The following PTK2 variants were observed in gnomAD, a reference collection of about 807,000 sequenced individuals.
PTK2 encodes protein tyrosine kinase 2.
PTK2 carries 45 observed loss-of-function variants against 150.1 expected under a neutral mutation model. The observed-to-expected ratio is 0.30, with a 90% CI of 0.24 to 0.38. The LOEUF is 0.38. PTK2 is among the 10% of genes least tolerant of loss of function. PTK2 has a pLI of 1.00. For synonymous variants in PTK2, 432 were observed against 449.2 expected (o/e 0.96, Z 0.48); for missense variants, 919 against 1,307.3 (o/e 0.70, Z 4.58).
chr8:140,658,005 C>T (rs1307946219), exon 32 of PTK2: 7 of 152,174 alleles, frequency 4.6e-5, no homozygotes, highest in Admixed American at 3.9e-4. Context: ...TATTTGCTCC[C>T]TGCTCTGTGG....
intron 24 of PTK2, among the ~76,000 whole-genome samples, chr8:140,703,396 C>T (rs953525489): frequency 2.0e-5 from 3 of 152,168 alleles, no homozygotes; most frequent in Non-Finnish European, 2.9e-5. Context: ...CAAGAAAGGA[C>T]ATTTGTTATG....
chr8:140,908,222 A>C (rs1245093943), intron 2 of PTK2, among the ~76,000 whole-genome samples: 2 of 152,212 alleles, frequency 1.3e-5, no homozygotes, highest in Non-Finnish European at 2.9e-5. Context: ...CATTCCCTTA[A>C]GCCAAAGACT....
At chr8:140,667,806 G>A (rs2093236005) in intron 30 of PTK2, among the ~76,000 whole-genome samples, 2 of 152,162 alleles carry the variant, frequency 1.3e-5, no homozygotes, top group Admixed American at 1.3e-4. Context: ...CCTTTCTTCA[G>A]CTGGCTCCTC....
chr8:140,782,139 C>T (rs939585441), intron 14 of PTK2, among the ~76,000 whole-genome samples: 1 of 151,742 alleles, frequency 6.6e-6, no homozygotes, highest in Non-Finnish European at 1.5e-5. Flanking sequence ...CATTCAATAC[C>T]TACTACTTTG....
intron 1 of PTK2, among the ~76,000 whole-genome samples, chr8:140,955,743 C>T (rs1425014563): frequency 1.3e-5 from 2 of 152,106 alleles, no homozygotes; most frequent in Non-Finnish European, 2.9e-5. Flanking sequence ...ACCAAGCCAG[C>T]AGCCAAAAAC....
At chr8:140,752,568 C>T (rs1243977622) in intron 16 of PTK2, among the ~76,000 whole-genome samples, 1 of 152,224 alleles carries the variant, frequency 6.6e-6, no homozygotes, top group Non-Finnish European at 1.5e-5. Flanking sequence ...TAGAGATACA[C>T]CATGTGGCTG....
At chr8:140,838,413 C>T (rs916275678) in intron 7 of PTK2, among the ~76,000 whole-genome samples, 2 of 152,214 alleles carry the variant, frequency 1.3e-5, no homozygotes, top group Non-Finnish European at 2.9e-5. Context: ...CGAGTCCCTG[C>T]ACATCCTCTC....
chr8:140,837,792 C>A (rs2100119682), intron 7 of PTK2, among the ~76,000 whole-genome samples: 1 of 151,450 alleles, frequency 6.6e-6, no homozygotes, highest in Non-Finnish European at 1.5e-5. Context: ...GGCACGGTGG[C>A]TTACACCTGT....
intron 22 of PTK2, among the ~76,000 whole-genome samples, chr8:140,723,367 T>G (rs1446552806): frequency 1.3e-5 from 2 of 152,162 alleles, no homozygotes; most frequent in African/African-American, 2.4e-5. Context: ...ATACCCAAAA[T>G]AGCCTGTCAA....
chr8:140,916,993 C>G (rs151018117), intron 2 of PTK2, among the ~76,000 whole-genome samples: 150 of 152,266 alleles, frequency 9.9e-4, no homozygotes, highest in African/African-American at 3.5e-3. Context: ...GTTTAATGCA[C>G]AGAACACAGC....
At chr8:140,769,517 TTTA>T in intron 14 of PTK2, 55 bp downstream of exon 16, 3 of 1,189,166 alleles carry the variant, frequency 2.5e-6, no homozygotes. Flanking sequence ...CTAAACTATA[TTTA>T]TTTTCATAAA....
intron 11 of PTK2, among the ~76,000 whole-genome samples, chr8:140,802,731 T>G (rs564771382): frequency 1.3e-5 from 2 of 152,302 alleles, no homozygotes; most frequent in East Asian, 3.9e-4. Flanking sequence ...TACATATATT[T>G]AGAGATACAA....
chr8:140,973,444 C>T (rs2100188120), intron 1 of PTK2, among the ~76,000 whole-genome samples: 1 of 151,810 alleles, frequency 6.6e-6, no homozygotes, highest in African/African-American at 2.4e-5. Context: ...AGATATACCC[C>T]TAAAATTCTA....
intron 10 of PTK2, among the ~76,000 whole-genome samples, chr8:140,811,110 T>G (rs561952026): frequency 4.9e-4 from 75 of 152,334 alleles, no homozygotes; most frequent in African/African-American, 1.6e-3. Context: ...GCGGATCCTA[T>G]GCCACCACAC....
intron 1 of PTK2, among the ~76,000 whole-genome samples, chr8:140,962,295 G>A (rs891889227): frequency 7.7e-6 from 1 of 130,256 alleles, no homozygotes; most frequent in Admixed American, 7.6e-5. Flanking sequence ...GAGGAAGGGA[G>A]GGAGGGAGGG....
intron 1 of PTK2, among the ~76,000 whole-genome samples, chr8:140,949,286 T>C (rs965363713): frequency 1.4e-4 from 21 of 152,318 alleles, no homozygotes; most frequent in African/African-American, 1.9e-4. Context: ...ACAGTACTGA[T>C]AGCAGTGGAA....
chr8:140,765,412 T>C (rs1331135856), intron 14 of PTK2, among the ~76,000 whole-genome samples: 4 of 152,176 alleles, frequency 2.6e-5, no homozygotes, highest in Admixed American at 2.0e-4. Flanking sequence ...TGGTAATGAC[T>C]GAGATCAAAT....
At chr8:140,720,649 A>C (rs2100042375) in intron 22 of PTK2, among the ~76,000 whole-genome samples, 1 of 152,244 alleles carries the variant, frequency 6.6e-6, no homozygotes, top group Admixed American at 6.5e-5. Context: ...CTGAAATGCA[A>C]GAAGCTTTTA....
intron 3 of PTK2, among the ~76,000 whole-genome samples, chr8:140,881,674 T>G (rs972485601): frequency 6.6e-6 from 1 of 152,210 alleles, no homozygotes; most frequent in Non-Finnish European, 1.5e-5. Flanking sequence ...ACAAATCATT[T>G]CTCATAATTG....
Sources: allele counts gnomAD v4.1 joint callset (sites outside exome capture counted in the v4.1 genomes callset), GRCh38; gene constraint gnomAD v4.1.1; transcripts MANE v1.5; gene names NCBI Gene and HGNC (gene_info 2026-07-23, HGNC 2026-07-21).